LRP1B: variants seen among roughly 807,000 people sequenced by gnomAD.
LRP1B encodes low-density lipoprotein receptor-related protein 1B.
In LRP1B, 217 loss-of-function variants were observed where a neutral mutation model predicts 556.6. The ratio of observed to expected loss-of-function variants is 0.39; its 90% CI spans 0.35 to 0.44. LRP1B has a LOEUF of 0.44. Among genes scored for constraint, LRP1B ranks in the 20% least tolerant of loss-of-function variants. LRP1B has a pLI of 1.00. For missense variants in LRP1B, 5,053 were observed against 5,620.8 expected (o/e 0.90, Z 3.23); for synonymous variants, 2,047 against 1,865.8 (o/e 1.10, Z -2.50).
At chr2:140,382,280 G>A (rs1683546207) in intron 67 of LRP1B, among the ~76,000 whole-genome samples, 1 of 151,996 alleles carries the variant, frequency 6.6e-6, no homozygotes, top group Non-Finnish European at 1.5e-5. Flanking sequence ...GTCTCTCTAT[G>A]TAAACCTTAA....
At chr2:141,442,068 G>A (rs1051709142) in intron 3 of LRP1B, among the ~76,000 whole-genome samples, 1 of 152,130 alleles carries the variant, frequency 6.6e-6, no homozygotes, top group African/African-American at 2.4e-5. Flanking sequence ...TACGAAAATT[G>A]TCTATACTGT....
chr2:142,000,756 TCTA>T, intron 1 of LRP1B, among the ~76,000 whole-genome samples: 1 of 152,296 alleles, frequency 6.6e-6, no homozygotes, highest in Non-Finnish European at 1.5e-5. Context: ...TTGTCATAAT[TCTA>T]CTATTATGCC....
rs373111876 is a variant in LRP1B, at chr2:140,913,923, CAA to C, written c.3320-5848_3320-5847del. Among the ~76,000 whole-genome samples the C allele has an allele frequency of 4.1e-3, 616 of 151,944 alleles. 6 individuals are homozygous for C. The highest frequency in any genetic ancestry group is 0.014 in the African/African-American group (600 of 41,450). Reference sequence around the variant, plus strand: ...CCTTATTTGTTTAATCGAATTCACACAAAAGATGAAACTGTTATCTAAAGGTA... The same window carrying C: ...CCTTATTTGTTTAATCGAATTCACACAAGATGAAACTGTTATCTAAAGGTA... On this transcript the variant is annotated intron_variant, in intron 21 of 90. Coordinates refer to ENST00000389484, the MANE Select transcript of LRP1B (RefSeq NM_018557.3).
chr2:141,301,968 TG>T (rs1686412423), intron 3 of LRP1B, among the ~76,000 whole-genome samples: 2 of 152,304 alleles, frequency 1.3e-5, no homozygotes, highest in African/African-American at 4.8e-5. Context: ...CTAATTCACT[TG>T]GCTGAGTATA....
chr2:141,369,551 C>T (rs1411047767), intron 3 of LRP1B, among the ~76,000 whole-genome samples: 1 of 152,114 alleles, frequency 6.6e-6, no homozygotes, highest in Non-Finnish European at 1.5e-5. Context: ...GCTTTGTTTT[C>T]AGTCAATTTA....
chr2:141,096,778 A>G (rs1287285848), intron 7 of LRP1B, among the ~76,000 whole-genome samples: 2 of 152,140 alleles, frequency 1.3e-5, no homozygotes, highest in East Asian at 1.9e-4. Context: ...TTTGTTTTTG[A>G]TAACATACTA....
At chr2:141,444,307 C>CT (rs1236425025) in intron 3 of LRP1B, among the ~76,000 whole-genome samples, 1 of 152,134 alleles carries the variant, frequency 6.6e-6, no homozygotes, top group African/African-American at 2.4e-5. Context: ...GCTGAAGTTG[C>CT]TTATCAGCTT....
At chr2:140,705,521 C>CAAAAAAAAAAAAAAAAAAAAAAAAA (rs565447198) in intron 37 of LRP1B, among the ~76,000 whole-genome samples, 1 of 68,228 alleles carries the variant, frequency 1.5e-5, no homozygotes, top group African/African-American at 6.9e-5. Context: ...GAGACTGTCT[C>CAAAAAAAAAAAAAAAAAAAAAAAAA]AAAAAAAAAA....
chr2:141,990,701 T>C (rs2105114066), intron 1 of LRP1B, among the ~76,000 whole-genome samples: 1 of 152,202 alleles, frequency 6.6e-6, no homozygotes, highest in South Asian at 2.1e-4. Flanking sequence ...CCATGATTTT[T>C]AATGCATACA....
intron 74 of LRP1B, among the ~76,000 whole-genome samples, 158 bp downstream of exon 74, chr2:140,357,821 G>A (rs1331670470): frequency 6.6e-6 from 1 of 151,560 alleles, no homozygotes; most frequent in Non-Finnish European, 1.5e-5. Context: ...CTGAAATTAA[G>A]TAATATTCTA....
At chr2:140,489,424 T>C (rs1222276060) in intron 57 of LRP1B, among the ~76,000 whole-genome samples, 2 of 152,028 alleles carry the variant, frequency 1.3e-5, no homozygotes, top group East Asian at 1.9e-4. Context: ...ATAATGACTA[T>C]AAGTGCTAAA....
At chr2:141,715,112 C>G (rs1183036470) in intron 2 of LRP1B, among the ~76,000 whole-genome samples, 3 of 152,098 alleles carry the variant, frequency 2.0e-5, no homozygotes, top group African/African-American at 4.8e-5. Flanking sequence ...AGAAACCAAA[C>G]AAAGTGTACA....
intron 3 of LRP1B, among the ~76,000 whole-genome samples, chr2:141,460,703 A>T (rs1384508070): frequency 6.6e-6 from 1 of 152,184 alleles, no homozygotes; most frequent in East Asian, 1.9e-4. Flanking sequence ...TGTGGTTTCA[A>T]CCTAGATAGT....
intron 84 of LRP1B, among the ~76,000 whole-genome samples, chr2:140,291,298 T>TATATATATATATATATATA (rs1683362365): frequency 2.8e-5 from 2 of 72,000 alleles, no homozygotes; most frequent in Non-Finnish European, 7.3e-5. Flanking sequence ...AAATTTTATT[T>TATATATATATATATATATA]TATATATATA....
chr2:140,383,293 C>CAT lies in LRP1B; in HGVS notation c.10531+2599_10531+2600insAT, dbSNP rs1553457406. Among the ~76,000 whole-genome samples the CAT allele has an allele frequency of 7.8e-3, 1,130 of 145,742 alleles. 14 individuals are homozygous for CAT. Among genetic ancestry groups the CAT allele is most frequent in the African/African-American group, 0.026 (1,051 of 39,758 alleles). On this transcript the variant is annotated intron_variant, in intron 67 of 90. Transcript: ENST00000389484. Reference sequence around the variant, plus strand: ...CCTAATGTATTAGGACAGTGATGTGCGTGTGTGTGTGTGTGTGTGTGTGTG... The same window carrying CAT: ...CCTAATGTATTAGGACAGTGATGTGCATGTGTGTGTGTGTGTGTGTGTGTGTG...
At chr2:141,731,133 A>G (rs1224739677) in intron 2 of LRP1B, among the ~76,000 whole-genome samples, 3 of 152,134 alleles carry the variant, frequency 2.0e-5, no homozygotes, top group Non-Finnish European at 4.4e-5. Flanking sequence ...CTTTATTTTC[A>G]TAATACAGAA....
chr2:140,897,188 A>G (rs1276353607), intron 23 of LRP1B, among the ~76,000 whole-genome samples: 1 of 152,224 alleles, frequency 6.6e-6, no homozygotes, highest in Non-Finnish European at 1.5e-5. Flanking sequence ...AAATATAGCA[A>G]TCTTAACAGT....
intron 3 of LRP1B, among the ~76,000 whole-genome samples, chr2:141,280,699 A>G (rs572047836): frequency 6.6e-6 from 1 of 152,148 alleles, no homozygotes; most frequent in African/African-American, 2.4e-5. Flanking sequence ...ATTTTTGTAC[A>G]TTCCTAAATT....
chr2:140,757,492 A>G (rs1020200624), intron 35 of LRP1B, among the ~76,000 whole-genome samples: 1 of 152,224 alleles, frequency 6.6e-6, no homozygotes, highest in Non-Finnish European at 1.5e-5. Flanking sequence ...ATGCTACAAA[A>G]TAGAACATTA....
Sources: gnomAD v4.1 joint callset for allele counts (sites outside exome capture counted in the v4.1 genomes callset) on GRCh38, gnomAD v4.1.1 for gene constraint, MANE v1.5 for transcripts, NCBI Gene and HGNC (gene_info 2026-07-23, HGNC 2026-07-21) for gene names.